Variants in NCOA1 observed in about 807,000 individuals in gnomAD.
NCOA1 encodes Hin-2 protein.
Under a neutral mutation model 150.9 loss-of-function variants are expected in NCOA1, and 35 were observed. The ratio of observed to expected loss-of-function variants is 0.23; its 90% CI spans 0.18 to 0.31. The LOEUF (loss-of-function observed/expected upper bound fraction) is 0.31. Among genes scored for constraint, NCOA1 ranks in the 10% least tolerant of loss-of-function variants. The pLI is 1.00. For synonymous variants in NCOA1, 590 were observed against 630.0 expected (o/e 0.94, Z 0.95); for missense variants, 1,491 against 1,749.3 (o/e 0.85, Z 2.63).
intron 9 of NCOA1, 62 bp downstream of exon 9, chr2:24,691,722 A>G: frequency 6.5e-7 from 1 of 1,539,238 alleles, no homozygotes; most frequent in Non-Finnish European, 8.8e-7. Context: ...AAAAGAGAGG[A>G]AATTAATTAT....
At chr2:24,735,292 T>A (rs1401464326) in intron 17 of NCOA1, among the ~76,000 whole-genome samples, 1 of 152,122 alleles carries the variant, frequency 6.6e-6, no homozygotes, top group Non-Finnish European at 1.5e-5. Flanking sequence ...CAGTTTGTAA[T>A]CTGCTATTCA....
intron 1 of NCOA1, among the ~76,000 whole-genome samples, chr2:24,511,197 A>C (rs1002318606): frequency 4.6e-5 from 7 of 152,210 alleles, no homozygotes; most frequent in African/African-American, 1.7e-4. Flanking sequence ...TTTATGGCCA[A>C]ATAATGTCCC....
chr2:24,536,313 G>A (rs1380851111), intron 1 of NCOA1, among the ~76,000 whole-genome samples: 1 of 152,108 alleles, frequency 6.6e-6, no homozygotes, highest in Admixed American at 6.5e-5. Flanking sequence ...GGTAATTTAA[G>A]GTCTTCTCTA....
intron 1 of NCOA1, among the ~76,000 whole-genome samples, chr2:24,508,623 A>G (rs1663805341): frequency 6.6e-6 from 1 of 151,984 alleles, no homozygotes; most frequent in Non-Finnish European, 1.5e-5. Context: ...TCTTCCCCCC[A>G]TCCCCTTTTT....
intron 2 of NCOA1, among the ~76,000 whole-genome samples, chr2:24,567,616 C>T (rs1390387301): frequency 6.6e-6 from 1 of 152,138 alleles, no homozygotes; most frequent in African/African-American, 2.4e-5. Context: ...TACTTAAGTT[C>T]TATATTCAGA....
chr2:24,630,866 G>A (rs367975842), intron 3 of NCOA1, among the ~76,000 whole-genome samples: 3 of 152,112 alleles, frequency 2.0e-5, no homozygotes, highest in Non-Finnish European at 4.4e-5. Context: ...CAACTTTATT[G>A]TAAAGTCTAT....
intron 12 of NCOA1, among the ~76,000 whole-genome samples, chr2:24,706,351 A>G (rs974729058): frequency 6.6e-6 from 1 of 152,144 alleles, no homozygotes; most frequent in Non-Finnish European, 1.5e-5. Context: ...GTAAGAGTCG[A>G]TAAGCATTAT....
At chr2:24,603,954 A>G (rs1226533935) in intron 3 of NCOA1, among the ~76,000 whole-genome samples, 11 of 152,218 alleles carry the variant, frequency 7.2e-5, no homozygotes, top group Admixed American at 7.2e-4. Context: ...TATTTCTTAA[A>G]TAATAAGATT....
intron 1 of NCOA1, among the ~76,000 whole-genome samples, chr2:24,525,444 G>A (rs779971875): frequency 6.6e-6 from 1 of 152,134 alleles, no homozygotes; most frequent in African/African-American, 2.4e-5. Flanking sequence ...CAGAATCGGA[G>A]ATTTGTAAGG....
At chr2:24,557,179 G>A (rs371063678) in intron 1 of NCOA1, among the ~76,000 whole-genome samples, 195 of 147,418 alleles carry the variant, frequency 1.3e-3, no homozygotes, top group Admixed American at 2.5e-3. Flanking sequence ...GGGTTGGGGC[G>A]GGAATTGCCC....
chr2:24,517,212 T>C (rs1253867368), intron 1 of NCOA1, among the ~76,000 whole-genome samples: 3 of 151,934 alleles, frequency 2.0e-5, no homozygotes, highest in African/African-American at 7.3e-5. Context: ...TTGTAGAGAA[T>C]TGAGTTTGTA....
At chr2:24,759,450 A>AG (rs1664665844) in intron 21 of NCOA1, among the ~76,000 whole-genome samples, 1 of 152,218 alleles carries the variant, frequency 6.6e-6, no homozygotes, top group South Asian at 2.1e-4. Flanking sequence ...TAATGTGGTA[A>AG]GCTTTTTTGA....
chr2:24,682,891 T>C (rs1005221210), intron 7 of NCOA1, 60 bp from the exon 8 acceptor site: 91 of 1,406,230 alleles, frequency 6.5e-5, no homozygotes, highest in Non-Finnish European at 8.3e-5. Flanking sequence ...GAAAAATGTA[T>C]AGTTTAATTT....
chr2:24,530,321 T>C (rs1486255462), intron 1 of NCOA1, among the ~76,000 whole-genome samples: 1 of 152,250 alleles, frequency 6.6e-6, no homozygotes, highest in Non-Finnish European at 1.5e-5. Context: ...TGAGAATCTT[T>C]CTTGTGACTA....
At position 24,728,338 on chromosome 2, in the gene NCOA1, T is replaced by G. The variant is rs776778313; in HGVS notation, c.2748T>G (p.Leu916=). The G allele has an allele frequency of 4.3e-6, 7 of 1,613,118 alleles. No homozygotes were observed. The highest frequency in any genetic ancestry group is 5.9e-6 in the Non-Finnish European group (7 of 1,179,604). ...GTATTAGCTCACAATTAGATGAGCT[T>G]CTCTGTCCACCCACAACAGTAGAAG... ...DQCISSQLDE[L]LCPPTTVEGR... Residue 916 remains leucine (L), a synonymous_variant, in exon 16 of 23, where the codon CTT becomes CTG. Transcript: ENST00000348332.
At chr2:24,633,287 G>C (rs2148437318) in intron 3 of NCOA1, among the ~76,000 whole-genome samples, 1 of 151,968 alleles carries the variant, frequency 6.6e-6, no homozygotes, top group Non-Finnish European at 1.5e-5. Flanking sequence ...AGAACATATA[G>C]TAGAAAAGAA....
intron 19 of NCOA1, among the ~76,000 whole-genome samples, chr2:24,750,942 G>T (rs944114216): frequency 6.6e-6 from 1 of 151,612 alleles, no homozygotes; most frequent in Non-Finnish European, 1.5e-5. Flanking sequence ...GGGAAGAGTG[G>T]CTAACAAAAC....
At chr2:24,523,162 G>A (rs1664491727) in intron 1 of NCOA1, among the ~76,000 whole-genome samples, 1 of 152,042 alleles carries the variant, frequency 6.6e-6, no homozygotes, top group Non-Finnish European at 1.5e-5. Context: ...TGTGTCCTTC[G>A]GTCCTCCCTT....
At chr2:24,514,008 G>T (rs1664044345) in intron 1 of NCOA1, among the ~76,000 whole-genome samples, 2 of 152,086 alleles carry the variant, frequency 1.3e-5, no homozygotes, top group African/African-American at 2.4e-5. Flanking sequence ...AAATTTTTAG[G>T]CCAGGTGCGG....
Sources: allele counts gnomAD v4.1 joint callset (sites outside exome capture counted in the v4.1 genomes callset), GRCh38; gene constraint gnomAD v4.1.1; transcripts MANE v1.5; gene names NCBI Gene and HGNC (gene_info 2026-07-23, HGNC 2026-07-21).